The following DTL variants were observed in gnomAD, a reference collection of about 807,000 sequenced individuals.
The protein encoded by DTL is denticleless protein homolog.
In DTL, 46 loss-of-function variants were observed where a neutral mutation model predicts 87.0. The observed-to-expected ratio is 0.53, with a 90% CI of 0.42 to 0.68. DTL has a LOEUF of 0.68. DTL is among the 30% of genes least tolerant of loss of function. DTL has a pLI of 0.00. For missense variants in DTL, 737 were observed against 869.4 expected (o/e 0.85, Z 1.91); for synonymous variants, 308 against 311.2 (o/e 0.99, Z 0.11).
intron 5 of DTL, among the ~76,000 whole-genome samples, chr1:212,061,215 T>C (rs1654292835): frequency 6.7e-6 from 1 of 149,602 alleles, no homozygotes; most frequent in Non-Finnish European, 1.5e-5. Flanking sequence ...ATCGCTGTAC[T>C]CCAGCCTGAG....
chr1:212,041,587 G>A (rs918472003), intron 1 of DTL, among the ~76,000 whole-genome samples: 3 of 151,944 alleles, frequency 2.0e-5, no homozygotes, highest in East Asian at 1.9e-4. Context: ...CTCGCGGCAC[G>A]CTCCGCCTCC....
In DTL at chr1:212,043,115, T is replaced by C; in HGVS notation, c.175T>C (p.Ser59Pro). Residue 59 changes from serine to proline, a missense_variant, in exon 2 of 15, where the codon TCT becomes CCT. Transcript: ENST00000366991. The part of the protein sequence containing the change: ...PVPPFGCTFS[S>P]APNMEHVLAV... ...TCCTCCTTTTGGATGTACCTTCTCT[T>C]CTGGTAAGAGAATTACTATCTAGGC... 1 of 1,610,996 alleles carries C rather than the reference T, an allele frequency of 6.2e-7. No homozygotes were observed. The highest frequency in any genetic ancestry group is 8.5e-7 in the Non-Finnish European group (1 of 1,178,860).
chr1:212,055,501 ACACAGCGACCT>A (rs1424447013), intron 5 of DTL, among the ~76,000 whole-genome samples: 1 of 152,152 alleles, frequency 6.6e-6, no homozygotes, highest in Non-Finnish European at 1.5e-5. Context: ...TGGGAGCCAC[ACACAGCGACCT>A]CATTCCCCTG....
At chr1:212,063,835 A>G (rs1654409377) in intron 6 of DTL, among the ~76,000 whole-genome samples, 1 of 150,776 alleles carries the variant, frequency 6.6e-6, no homozygotes, top group African/African-American at 2.4e-5. Context: ...CACCTCAAAC[A>G]TTTATCTTTT....
At chr1:212,059,779 C>CAAAAAAAAAAAAACAAAAAA (rs1668286169) in intron 5 of DTL, among the ~76,000 whole-genome samples, 1 of 80,216 alleles carries the variant, frequency 1.2e-5, no homozygotes, top group Non-Finnish European at 2.5e-5. Context: ...AAAGACTCTA[C>CAAAAAAAAAAAAACAAAAAA]AAAAAAAAAA....
At chr1:212,061,519 A>T (rs964428528) in intron 5 of DTL, among the ~76,000 whole-genome samples, 1 of 151,750 alleles carries the variant, frequency 6.6e-6, no homozygotes, top group Non-Finnish European at 1.5e-5. Flanking sequence ...AAACAAATAG[A>T]ATTACCATTG....
intron 5 of DTL, among the ~76,000 whole-genome samples, chr1:212,054,540 T>G (rs1163518958): frequency 6.6e-6 from 1 of 151,874 alleles, no homozygotes; most frequent in Non-Finnish European, 1.5e-5. Context: ...ATGCCTGTAA[T>G]CCCAGCACTT....
intron 13 of DTL, among the ~76,000 whole-genome samples, chr1:212,097,789 T>C (rs1200534444): frequency 6.6e-6 from 1 of 152,226 alleles, no homozygotes; most frequent in Non-Finnish European, 1.5e-5. Flanking sequence ...GGGGTGGTTA[T>C]AGAACCTTGT....
At chr1:212,084,241 C>G (rs1255830549) in intron 13 of DTL, among the ~76,000 whole-genome samples, 2 of 147,476 alleles carry the variant, frequency 1.4e-5, no homozygotes, top group East Asian at 4.0e-4. Flanking sequence ...TCACTCTTGT[C>G]GCTGAGCCTG....
At position 212,038,529 on chromosome 1, in the gene DTL, C is replaced by T. The variant is rs114352859; in HGVS notation, c.52+2587C>T. On this transcript the variant is annotated intron_variant, in intron 1 of 14. Transcript: ENST00000366991. ...TCACAGTTACACATTCAAAACATTTCGTTAAAATCTCTTGAATCCATCCTC... is the reference window on the plus strand; with the variant it reads ...TCACAGTTACACATTCAAAACATTTTGTTAAAATCTCTTGAATCCATCCTC... Among the ~76,000 whole-genome samples, 826 of 152,318 alleles carry T rather than the reference C, an allele frequency of 5.4e-3. 4 individuals carry two copies. Among genetic ancestry groups the T allele is most frequent in the African/African-American group, 0.019 (781 of 41,574 alleles).
chr1:212,062,958 GATCT>G lies in DTL; in HGVS notation c.526+12_526+15del, dbSNP rs1558078505. On this transcript the variant is annotated intron_variant, in intron 6 of 14. Coordinates refer to ENST00000366991, the MANE Select transcript of DTL (RefSeq NM_016448.4). The stretch of plus-strand genomic sequence containing the variant: ...CAGGTGCAACAAAAAAGGTTATCTA[GATCT>G]ATTTTAATTTTGAGAGATTTGGGAT... 6.2e-7 allele frequency: 1 copy of G among 1,604,812 alleles called. No homozygotes were observed. Among genetic ancestry groups the G allele is most frequent in the Non-Finnish European group, 8.5e-7 (1 of 1,171,686 alleles).
intron 13 of DTL, among the ~76,000 whole-genome samples, chr1:212,084,683 T>C (rs957004195): frequency 6.6e-6 from 1 of 152,238 alleles, no homozygotes; most frequent in Non-Finnish European, 1.5e-5. Context: ...CATTTCTATT[T>C]ATTTTTTGCA....
chr1:212,093,206 C>T (rs115820507), intron 13 of DTL, among the ~76,000 whole-genome samples: 2,395 of 152,222 alleles, frequency 0.016, 38 homozygotes, highest in South Asian at 0.099. Flanking sequence ...CAGACCTCTA[C>T]GGGAGCATAC....
intron 11 of DTL, among the ~76,000 whole-genome samples, chr1:212,072,621 A>G (rs761180942): frequency 9.2e-5 from 14 of 152,178 alleles, no homozygotes; most frequent in Non-Finnish European, 1.8e-4. Flanking sequence ...GGAGCCTTGC[A>G]CAAAACAGAA....
intron 1 of DTL, among the ~76,000 whole-genome samples, chr1:212,040,944 C>A (rs1382420570): frequency 2.6e-5 from 4 of 152,146 alleles, no homozygotes; most frequent in African/African-American, 9.7e-5. Flanking sequence ...CAACTGAAAC[C>A]ACAAAAAGCG....
chr1:212,070,356 A>G (rs1195981228), intron 10 of DTL, among the ~76,000 whole-genome samples: 2 of 152,150 alleles, frequency 1.3e-5, no homozygotes, highest in African/African-American at 4.8e-5. Flanking sequence ...ATGGTGGCTC[A>G]CACCTATAAA....
Position 212,037,514 on chromosome 1 carries a change from T to C in DTL, c.52+1572T>C, listed in dbSNP as rs561256513. Among the ~76,000 whole-genome samples, 3 of 152,292 alleles carry C rather than the reference T, an allele frequency of 2.0e-5. No homozygotes were observed. The South Asian group carries it at 6.2e-4, about 32-fold the overall frequency. On this transcript the variant is annotated intron_variant, in intron 1 of 14. Transcript: ENST00000366991. ...TAGATAGGCTCTTGGAAACTGTGAC[T>C]TTAGGGAAAACAGTGTATAACTAAA...
chr1:212,057,428 A>G (rs1035795325), intron 5 of DTL, among the ~76,000 whole-genome samples: 2 of 151,982 alleles, frequency 1.3e-5, no homozygotes, highest in Non-Finnish European at 2.9e-5. Flanking sequence ...AATAAAAGAG[A>G]AATAAAGTCT....
At chr1:212,078,062 G>T in intron 11 of DTL, 111 bp from the exon 12 acceptor site, 5 of 581,726 alleles carry the variant, frequency 8.6e-6, no homozygotes, top group Non-Finnish European at 1.5e-5. Context: ...CAGGTCTAGT[G>T]GCCTTTGGTA....
Sources: allele counts gnomAD v4.1 joint callset (sites outside exome capture counted in the v4.1 genomes callset), GRCh38; gene constraint gnomAD v4.1.1; transcripts MANE v1.5; gene names NCBI Gene and HGNC (gene_info 2026-07-23, HGNC 2026-07-21).